MAGI1: variants seen among roughly 807,000 people sequenced by gnomAD.
MAGI1 encodes membrane-associated guanylate kinase, WW and PDZ domain-containing protein 1.
MAGI1 carries 58 observed loss-of-function variants against 139.9 expected under a neutral mutation model. That is an observed-to-expected ratio of 0.41 (90% CI 0.34 to 0.52). The LOEUF (loss-of-function observed/expected upper bound fraction) is 0.52. Among genes scored for constraint, MAGI1 ranks in the 20% least tolerant of loss-of-function variants. The pLI, the probability that MAGI1 is intolerant of heterozygous loss-of-function variation, is 0.12. For synonymous variants in MAGI1, 812 were observed against 737.9 expected, an observed-to-expected ratio of 1.10 and a Z score of -1.63; for missense variants, 1,874 against 1,901.6, an observed-to-expected ratio of 0.99 and a Z score of 0.27.
intron 1 of MAGI1, among the ~76,000 whole-genome samples, chr3:65,623,969 G>C (rs1410381484): frequency 6.6e-6 from 1 of 152,042 alleles, no homozygotes; most frequent in African/African-American, 2.4e-5. Context: ...TCAGCACAAG[G>C]TTTGAACAGA....
At chr3:65,912,646 C>G (rs2108680856) in intron 1 of MAGI1, among the ~76,000 whole-genome samples, 1 of 152,316 alleles carries the variant, frequency 6.6e-6, no homozygotes, top group Middle Eastern at 3.4e-3. Context: ...GACCAAGTGA[C>G]TTAATCTCTT....
At chr3:66,013,040 G>C (rs2067413895) in intron 1 of MAGI1, among the ~76,000 whole-genome samples, 1 of 152,186 alleles carries the variant, frequency 6.6e-6, no homozygotes, top group African/African-American at 2.4e-5. Context: ...ATTTATGTTT[G>C]AGGAACCCAG....
At chr3:65,616,011 C>T (rs1197302097) in intron 2 of MAGI1, among the ~76,000 whole-genome samples, 2 of 152,186 alleles carry the variant, frequency 1.3e-5, no homozygotes, top group African/African-American at 4.8e-5. Context: ...CCTAAGAATT[C>T]GTTGCTAGCC....
intron 1 of MAGI1, among the ~76,000 whole-genome samples, chr3:65,943,234 A>C (rs1259425662): frequency 1.3e-5 from 2 of 152,054 alleles, no homozygotes; most frequent in African/African-American, 4.8e-5. Flanking sequence ...ATTCTTTGAA[A>C]ATGTCCCTTT....
intron 1 of MAGI1, among the ~76,000 whole-genome samples, chr3:65,705,095 A>T (rs1360428789): frequency 2.0e-5 from 3 of 152,122 alleles, no homozygotes; most frequent in African/African-American, 7.2e-5. Context: ...AATGCAGAGA[A>T]TTTCAGAAGA....
chr3:65,570,978 C>T (rs1331859634), intron 2 of MAGI1, among the ~76,000 whole-genome samples: 1 of 152,140 alleles, frequency 6.6e-6, no homozygotes, highest in African/African-American at 2.4e-5. Context: ...GAAACGGAGG[C>T]TTACATTTTT....
intron 1 of MAGI1, among the ~76,000 whole-genome samples, chr3:65,849,199 AT>A (rs755843508): frequency 9.6e-4 from 144 of 150,244 alleles, no homozygotes; most frequent in Non-Finnish European, 1.8e-3. Context: ...AAGTTTTTGT[AT>A]TTTTAGTAGA....
chr3:65,776,312 GT>G (rs1205138586), intron 1 of MAGI1, among the ~76,000 whole-genome samples: 11 of 119,574 alleles, frequency 9.2e-5, no homozygotes, highest in Non-Finnish European at 1.9e-4. Context: ...ACTCTCAATT[GT>G]TTTTTTAAAA....
intron 2 of MAGI1, among the ~76,000 whole-genome samples, chr3:65,523,142 CTT>C (rs2078237157): frequency 6.6e-6 from 1 of 152,090 alleles, no homozygotes; most frequent in Admixed American, 6.6e-5. Flanking sequence ...TTGCCAGAGT[CTT>C]TTATACCACA....
rs543212690 is a variant in MAGI1, at chr3:65,480,854, C to G, written c.551-2056G>C. 1.2e-4 allele frequency among the ~76,000 whole-genome samples: 18 copies of G among 152,170 alleles called. No homozygotes were observed. In the South Asian group the frequency reaches 3.7e-3, roughly 32 times the overall value. On this transcript the variant is annotated intron_variant, in intron 3 of 22. Transcript: ENST00000402939. ...CCACCTGCCTCAGCCTCCCAAAATG[C>G]TGGGATTACAGGCATGAGCCACCAT...
chr3:65,813,626 T>C (rs867187356), intron 1 of MAGI1, among the ~76,000 whole-genome samples: 1 of 152,190 alleles, frequency 6.6e-6, no homozygotes, highest in Non-Finnish European at 1.5e-5. Context: ...GCAATGCACA[T>C]CTCTTTAACA....
intron 1 of MAGI1, among the ~76,000 whole-genome samples, chr3:65,951,413 T>C (rs1000603685): frequency 2.0e-5 from 3 of 152,220 alleles, no homozygotes; most frequent in African/African-American, 4.8e-5. Context: ...GAAATTTTGT[T>C]AAACGTAAAA....
intron 3 of MAGI1, among the ~76,000 whole-genome samples, chr3:65,492,504 T>C (rs945810575): frequency 2.6e-5 from 4 of 152,222 alleles, no homozygotes; most frequent in Admixed American, 6.5e-5. Flanking sequence ...TATAATTATA[T>C]TTCAAAAAGA....
rs781619051 is a variant in MAGI1, at chr3:65,764,211, C to T, written c.314-142123G>A. Reference sequence around the variant, plus strand: ...AATACAGTAATAAAAATTTCTAGTTCCACACCCACCCACCCACCATAAAAA... The same window carrying T: ...AATACAGTAATAAAAATTTCTAGTTTCACACCCACCCACCCACCATAAAAA... On this transcript the variant is annotated intron_variant, in intron 1 of 22. Coordinates refer to ENST00000402939, the MANE Select transcript of MAGI1 (RefSeq NM_001033057.2). Among the ~76,000 whole-genome samples, 6 of 145,952 alleles carry T rather than the reference C, an allele frequency of 4.1e-5. No homozygotes were observed. The South Asian group carries it at 7.2e-4, about 18-fold the overall frequency.
At chr3:65,428,304 TA>T (rs1236797357) in intron 12 of MAGI1, among the ~76,000 whole-genome samples, 3 of 152,336 alleles carry the variant, frequency 2.0e-5, no homozygotes, top group Admixed American at 1.3e-4. Context: ...GCCCACTGTG[TA>T]AAACTATCAG....
At chr3:65,453,936 C>G (rs1360714886) in intron 5 of MAGI1, among the ~76,000 whole-genome samples, 1 of 152,180 alleles carries the variant, frequency 6.6e-6, no homozygotes, top group African/African-American at 2.4e-5. Flanking sequence ...CAAGGATAAG[C>G]TTGGAGAGGC....
intron 13 of MAGI1, among the ~76,000 whole-genome samples, chr3:65,398,515 C>A (rs943927841): frequency 6.6e-6 from 1 of 151,916 alleles, no homozygotes; most frequent in Non-Finnish European, 1.5e-5. Flanking sequence ...AAAGAGGGGA[C>A]AGATTAAGGG....
chr3:65,505,928 C>A (rs913585009), intron 2 of MAGI1, among the ~76,000 whole-genome samples: 13 of 152,070 alleles, frequency 8.5e-5, no homozygotes, highest in East Asian at 1.9e-4. Context: ...GGCATTGTTA[C>A]ATTTCCATAA....
chr3:65,724,284 T>C (rs2033372842), intron 1 of MAGI1, among the ~76,000 whole-genome samples: 1 of 152,244 alleles, frequency 6.6e-6, no homozygotes, highest in South Asian at 2.1e-4. Flanking sequence ...AGATGTCTGA[T>C]TCTGTTTCAT....
Sources: allele counts gnomAD v4.1 joint callset (sites outside exome capture counted in the v4.1 genomes callset), GRCh38; gene constraint gnomAD v4.1.1; transcripts MANE v1.5; gene names NCBI Gene and HGNC (gene_info 2026-07-23, HGNC 2026-07-21).